Variants in USP34 observed in about 807,000 individuals in gnomAD.
The protein encoded by USP34 is ubiquitin carboxyl-terminal hydrolase 34.
USP34 carries 70 observed loss-of-function variants against 460.3 expected under a neutral mutation model. That is an observed-to-expected ratio of 0.15 (90% CI 0.13 to 0.19). The LOEUF (loss-of-function observed/expected upper bound fraction) is 0.19, where lower values mean the gene tolerates loss of function less well. USP34 is among the 10% of genes least tolerant of loss of function. USP34 has a pLI of 1.00. For missense variants in USP34, 3,985 were observed against 4,236.2 expected (o/e 0.94, Z 1.65); for synonymous variants, 1,647 against 1,405.3 (o/e 1.17, Z -3.85).
intron 43 of USP34, among the ~76,000 whole-genome samples, chr2:61,260,158 G>A (rs1688836265): frequency 6.6e-6 from 1 of 152,102 alleles, no homozygotes; most frequent in African/African-American, 2.4e-5. Flanking sequence ...ATTAACCAAT[G>A]ACATCTCATC....
intron 50 of USP34, 82 bp from the exon 51 acceptor site, chr2:61,245,370 A>T: frequency 1.3e-6 from 1 of 748,884 alleles, no homozygotes; most frequent in Non-Finnish European, 2.1e-6. Flanking sequence ...TGAATAACCA[A>T]TGTTACAAGT....
At chr2:61,288,001 G>A (rs893702009) in intron 34 of USP34, among the ~76,000 whole-genome samples, 1 of 152,178 alleles carries the variant, frequency 6.6e-6, no homozygotes, top group African/African-American at 2.4e-5. Context: ...TGCCAGTCTA[G>A]GATACTTGAG....
Position 61,378,410 on chromosome 2 carries a change from G to A in USP34, c.1029C>T (p.Thr343=), listed in dbSNP as rs1692860238. Residue 343 remains threonine, a synonymous_variant, in exon 8 of 80, where the codon ACC becomes ACT. Coordinates refer to ENST00000398571, the MANE Select transcript of USP34 (RefSeq NM_014709.4). ...ATTCATTATTGCACACATCATTGAAGGTATGGAGTTGATTCTATGATTAAA... is the reference window on the plus strand; with the variant it reads ...ATTCATTATTGCACACATCATTGAAAGTATGGAGTTGATTCTATGATTAAA... ...GLSQITNQLH[T]FNDVCNNESL... is the part of the protein sequence containing the mutation. The A allele has an allele frequency of 1.3e-6, 2 of 1,589,398 alleles. No homozygotes were observed. The highest frequency in any genetic ancestry group is 3.7e-5 in the Admixed American group (2 of 53,684).
At chr2:61,311,482 A>AAAAAAAGAGAAAGAG in intron 27 of USP34, 58 bp downstream of exon 27, 1 of 1,508,272 alleles carries the variant, frequency 6.6e-7, no homozygotes, top group Admixed American at 2.4e-5. Flanking sequence ...GAGAAAGAGA[A>AAAAAAAGAGAAAGAG]AGAGAAAAAG....
intron 2 of USP34, among the ~76,000 whole-genome samples, chr2:61,417,719 CTTTTT>C (rs201901250): frequency 7.6e-6 from 1 of 130,774 alleles, no homozygotes; most frequent in Non-Finnish European, 1.6e-5. Flanking sequence ...ATACTAAAAT[CTTTTT>C]TTTTTTCTTT....
At chr2:61,241,268 C>T (rs1465783683) in intron 53 of USP34, among the ~76,000 whole-genome samples, 1 of 151,870 alleles carries the variant, frequency 6.6e-6, no homozygotes, top group Non-Finnish European at 1.5e-5. Flanking sequence ...GGTCTTGAAC[C>T]CCTGACCTCG....
Position 61,301,435 on chromosome 2 carries a change from G to A in USP34, c.3837C>T (p.Val1279=), listed in dbSNP as rs777711451. ...ACTCGTGTCCAGATGAAATCATCCTGACAGGTCCCATGAGGCCTCCTTAAA... is the reference window on the plus strand; with the variant it reads ...ACTCGTGTCCAGATGAAATCATCCTAACAGGTCCCATGAGGCCTCCTTAAA... ...GEFPGGLMGP[V]RMISSGHELT... is the part of the protein sequence containing the mutation. Residue 1279 remains valine (V), a synonymous_variant, in exon 28 of 80, where the codon GTC becomes GTT. Transcript: ENST00000398571. 8.7e-6 allele frequency: 14 copies of A among 1,613,264 alleles called. No individual in the cohort carries two copies. Among genetic ancestry groups the A allele is most frequent in the African/African-American group, 1.3e-5 (1 of 74,866 alleles).
chr2:61,197,307 C>G (rs1424887105), intron 75 of USP34, among the ~76,000 whole-genome samples: 1 of 152,020 alleles, frequency 6.6e-6, no homozygotes, highest in Non-Finnish European at 1.5e-5. Context: ...TGAACATTTT[C>G]TAGGTATGTC....
intron 6 of USP34, among the ~76,000 whole-genome samples, chr2:61,380,751 T>C (rs182732338): frequency 6.6e-4 from 101 of 152,330 alleles, no homozygotes; most frequent in Non-Finnish European, 1.2e-3. Context: ...AAGTGGAAGC[T>C]AGAAAAGCCT....
chr2:61,366,769 C>T (rs1360631926), intron 10 of USP34, among the ~76,000 whole-genome samples: 2 of 151,988 alleles, frequency 1.3e-5, no homozygotes, highest in African/African-American at 2.4e-5. Context: ...TGAATGTGGC[C>T]GGGTGTGGTG....
intron 6 of USP34, among the ~76,000 whole-genome samples, chr2:61,381,203 TAAAAA>T (rs756924837): frequency 4.1e-5 from 4 of 97,924 alleles, no homozygotes; most frequent in Non-Finnish European, 6.5e-5. Flanking sequence ...GAATGATCAA[TAAAAA>T]AAAAAAAAAT....
intron 32 of USP34, among the ~76,000 whole-genome samples, chr2:61,294,373 A>ACG (rs1309010135): frequency 2.0e-5 from 3 of 151,826 alleles, no homozygotes. Flanking sequence ...ACACACACAC[A>ACG]CGAAAAAGCC....
At chr2:61,227,040 A>G in intron 62 of USP34, 27 bp downstream of exon 62, 1 of 1,574,604 alleles carries the variant, frequency 6.4e-7, no homozygotes. Flanking sequence ...AACATGCTTT[A>G]AACATTTTAA....
intron 19 of USP34, among the ~76,000 whole-genome samples, chr2:61,333,189 A>G (rs377031990): frequency 1.9e-4 from 29 of 152,196 alleles, no homozygotes; most frequent in South Asian, 6.2e-4. Flanking sequence ...TTCACATAAA[A>G]GTTCTACCTC....
At position 61,381,473 on chromosome 2, in the gene USP34, G is replaced by A. The variant is rs1159676794; in HGVS notation, c.822-1112C>T. Among the ~76,000 whole-genome samples, 2 of 151,996 alleles carry A rather than the reference G, an allele frequency of 1.3e-5. 1 individual carries two copies. Among genetic ancestry groups the A allele is most frequent in the African/African-American group, 4.8e-5 (2 of 41,362 alleles). ...TCCACCTCAGCTTCCCTGGTAGCTG[G>A]GACTATAGAAGCATGCCACCACGAC... On this transcript the variant is annotated intron_variant, in intron 6 of 79. Coordinates refer to ENST00000398571, the MANE Select transcript of USP34 (RefSeq NM_014709.4).
chr2:61,250,785 CT>C (rs1688556804), intron 48 of USP34, among the ~76,000 whole-genome samples: 1 of 152,140 alleles, frequency 6.6e-6, no homozygotes, highest in Non-Finnish European at 1.5e-5. Context: ...AGAATAGACA[CT>C]AAAATCAGGC....
intron 41 of USP34, among the ~76,000 whole-genome samples, chr2:61,275,582 C>T (rs541852122): frequency 8.6e-4 from 130 of 151,556 alleles, no homozygotes; most frequent in African/African-American, 3.0e-3. Flanking sequence ...ATGATTGTGC[C>T]CCTGCACTGC....
intron 2 of USP34, among the ~76,000 whole-genome samples, chr2:61,414,650 C>T (rs7603751): frequency 0.12 from 18,444 of 152,006 alleles, 1,359 homozygotes; most frequent in South Asian, 0.3. Context: ...ACAAACAAAG[C>T]GAGGAAAGAA....
At chr2:61,309,222 A>T (rs1690510839) in intron 27 of USP34, among the ~76,000 whole-genome samples, 1 of 152,200 alleles carries the variant, frequency 6.6e-6, no homozygotes, top group African/African-American at 2.4e-5. Context: ...TGAAAACATG[A>T]GATACATGTT....
Sources: gnomAD v4.1 joint callset for allele counts (sites outside exome capture counted in the v4.1 genomes callset) on GRCh38, gnomAD v4.1.1 for gene constraint, MANE v1.5 for transcripts, NCBI Gene and HGNC (gene_info 2026-07-23, HGNC 2026-07-21) for gene names.